SMARCAD1: variants seen among roughly 807,000 people sequenced by gnomAD.
SMARCAD1 encodes the protein SNF2 related chromatin remodeling ATPase with DExD box 1.
SMARCAD1 carries 25 observed loss-of-function variants against 127.1 expected under a neutral mutation model. The ratio of observed to expected loss-of-function variants is 0.20; its 90% CI spans 0.14 to 0.27. The LOEUF is 0.27. SMARCAD1 is among the 10% of genes least tolerant of loss of function. SMARCAD1 has a pLI of 1.00. For missense variants in SMARCAD1, 807 were observed against 1,206.0 expected, an observed-to-expected ratio of 0.67 and a Z score of 4.90; for synonymous variants, 400 against 396.9, an observed-to-expected ratio of 1.01 and a Z score of -0.09.
chr4:94,284,928 A>G (rs755982968), intron 22 of SMARCAD1, 32 bp from the exon 23 acceptor site: 12 of 1,252,602 alleles, frequency 9.6e-6, no homozygotes, highest in Non-Finnish European at 1.4e-5. Context: ...TATATTTAGT[A>G]ACCAATGGAC....
At chr4:94,256,019 T>C (rs781162719) in intron 9 of SMARCAD1, among the ~76,000 whole-genome samples, 3 of 152,160 alleles carry the variant, frequency 2.0e-5, no homozygotes, top group Admixed American at 1.3e-4. Flanking sequence ...ATTGCCAAAT[T>C]TCACACATTT....
In SMARCAD1 at chr4:94,274,718, A is replaced by T; in HGVS notation, c.1673-20A>T. 1 of 1,610,492 alleles carries T rather than the reference A, an allele frequency of 6.2e-7. No homozygotes were observed. The highest frequency in any genetic ancestry group is 2.2e-5 in the East Asian group (1 of 44,842). ...TACCCTATTGTAGCAGATGCAAATA[A>T]TGTCTCTTCTGTTCCATAGATAACT... On this transcript the variant is annotated intron_variant, in intron 12 of 23. Coordinates refer to ENST00000354268, the MANE Select transcript of SMARCAD1 (RefSeq NM_020159.5).
chr4:94,224,199 A>T (rs1401309445), intron 2 of SMARCAD1, among the ~76,000 whole-genome samples: 1 of 152,182 alleles, frequency 6.6e-6, no homozygotes, highest in Non-Finnish European at 1.5e-5. Context: ...TGCAATGTTT[A>T]TAAAATTGTT....
At chr4:94,270,542 G>A (rs1302100805) in intron 10 of SMARCAD1, 186 bp from the exon 11 acceptor site, 1 of 543,870 alleles carries the variant, frequency 1.8e-6, no homozygotes, top group Non-Finnish European at 3.3e-6. Context: ...AGAGAATAAA[G>A]TTTGAGAAGA....
intron 16 of SMARCAD1, 61 bp from the exon 17 acceptor site, chr4:94,278,361 A>G (rs1753583350): frequency 7.3e-7 from 1 of 1,372,756 alleles, no homozygotes; most frequent in Non-Finnish European, 1.0e-6. Context: ...GTGTAATAAT[A>G]CTGTTATTGC....
chr4:94,253,314 T>C, intron 9 of SMARCAD1: 1 of 1,355,720 alleles, frequency 7.4e-7, no homozygotes, highest in Non-Finnish European at 9.7e-7. Flanking sequence ...AGCTTACATT[T>C]AGGAAGGAGT....
intron 2 of SMARCAD1, among the ~76,000 whole-genome samples, chr4:94,210,822 T>C (rs548096041): frequency 5.0e-4 from 75 of 149,110 alleles, no homozygotes; most frequent in African/African-American, 1.8e-3. Context: ...TAATCCCTGC[T>C]GCTCAGGAGG....
At chr4:94,268,153 T>G (rs559685586) in intron 10 of SMARCAD1, among the ~76,000 whole-genome samples, 4 of 152,284 alleles carry the variant, frequency 2.6e-5, no homozygotes, top group African/African-American at 9.6e-5. Flanking sequence ...TAACAAATAT[T>G]TCAATGTAAT....
At chr4:94,233,398 T>TA (rs1056641005) in intron 3 of SMARCAD1, among the ~76,000 whole-genome samples, 1 of 152,206 alleles carries the variant, frequency 6.6e-6, no homozygotes, top group African/African-American at 2.4e-5. Flanking sequence ...AGAACAGGAA[T>TA]AAAGTTAGTT....
intron 4 of SMARCAD1, 147 bp downstream of exon 4, chr4:94,234,269 CATTT>C (rs1207198209): frequency 2.0e-5 from 15 of 758,624 alleles, no homozygotes; most frequent in East Asian, 1.4e-4. Context: ...AAATGCCAGA[CATTT>C]ATTTATTGAA....
At chr4:94,257,549 AC>A (rs200613683) in intron 9 of SMARCAD1, among the ~76,000 whole-genome samples, 1,727 of 152,254 alleles carry the variant, frequency 0.011, 37 homozygotes, top group African/African-American at 0.039. Flanking sequence ...GAGTGTTCTT[AC>A]ATCTTTCCTT....
chr4:94,207,751 A>C (rs1364547539), upstream of SMARCAD1: 7 of 211,518 alleles, frequency 3.3e-5, no homozygotes, highest in East Asian at 8.8e-4. Flanking sequence ...TACTGAGGGA[A>C]GAAAGAACAA....
chr4:94,273,750 T>G (rs759390492), intron 12 of SMARCAD1, 34 bp downstream of exon 12: 3 of 1,510,948 alleles, frequency 2.0e-6, no homozygotes, highest in South Asian at 1.1e-5. Flanking sequence ...TATTTAACTT[T>G]ATCATGTTTT....
intron 2 of SMARCAD1, among the ~76,000 whole-genome samples, chr4:94,211,467 C>T (rs1312759909): frequency 1.3e-5 from 2 of 152,170 alleles, no homozygotes; most frequent in African/African-American, 2.4e-5. Flanking sequence ...TAGGATGTGA[C>T]TATTGACCTT....
chr4:94,274,123 G>A (rs371236900), intron 12 of SMARCAD1, among the ~76,000 whole-genome samples: 3 of 152,014 alleles, frequency 2.0e-5, no homozygotes, highest in African/African-American at 7.3e-5. Flanking sequence ...GAGAATATTT[G>A]TACATGTGAA....
chr4:94,232,614 G>A (rs545914734), intron 3 of SMARCAD1, among the ~76,000 whole-genome samples: 2 of 152,274 alleles, frequency 1.3e-5, no homozygotes, highest in Admixed American at 1.3e-4. Context: ...ACTTTAGAGC[G>A]GTTTCTCAGA....
intron 9 of SMARCAD1, among the ~76,000 whole-genome samples, chr4:94,258,434 G>A (rs968093056): frequency 3.3e-5 from 5 of 151,782 alleles, no homozygotes; most frequent in African/African-American, 1.2e-4. Flanking sequence ...GGATTACCTG[G>A]GCCTGTCAGA....
chr4:94,237,480 T>G (rs1746851353), intron 5 of SMARCAD1, among the ~76,000 whole-genome samples: 1 of 145,384 alleles, frequency 6.9e-6, no homozygotes, highest in Non-Finnish European at 1.5e-5. Context: ...GACTCGATTT[T>G]TTTTAACTTA....
rs903667709 is a variant in SMARCAD1 at position 94,216,105 on chromosome 4, C to T, written c.190+7521C>T. Reference sequence around the variant, plus strand: ...CAGGGCCCTATTCCTAGACCACAATCTTTTAACCCCATGTGGCTGAATGAG... The same window carrying T: ...CAGGGCCCTATTCCTAGACCACAATTTTTTAACCCCATGTGGCTGAATGAG... On this transcript the variant is annotated intron_variant, in intron 2 of 23. Coordinates refer to ENST00000354268, the MANE Select transcript of SMARCAD1 (RefSeq NM_020159.5). Among the ~76,000 whole-genome samples, 48 of 152,108 alleles carry T rather than the reference C, an allele frequency of 3.2e-4. 2 individuals are homozygous for T.
Sources: gnomAD v4.1 joint callset for allele counts (sites outside exome capture counted in the v4.1 genomes callset) on GRCh38, gnomAD v4.1.1 for gene constraint, MANE v1.5 for transcripts, NCBI Gene and HGNC (gene_info 2026-07-23, HGNC 2026-07-21) for gene names.